SUCLG2: variants seen among roughly 807,000 people sequenced by gnomAD.
SUCLG2 encodes succinate--CoA ligase [GDP-forming] subunit beta, mitochondrial.
Under a neutral mutation model 47.9 loss-of-function variants are expected in SUCLG2, and 42 were observed. The observed-to-expected ratio is 0.88, with a 90% CI of 0.69 to 1.14. The LOEUF (loss-of-function observed/expected upper bound fraction) is 1.14. Among genes scored for constraint, SUCLG2 ranks in the 50% most tolerant of loss-of-function variants. The pLI is 0.00. For missense variants in SUCLG2, 571 were observed against 525.9 expected, an observed-to-expected ratio of 1.09 and a Z score of -0.84; for synonymous variants, 195 against 197.3, an observed-to-expected ratio of 0.99 and a Z score of 0.10.
At chr3:67,400,623 A>G in intron 10 of SUCLG2, 108 bp downstream of exon 10, 4 of 1,475,508 alleles carry the variant, frequency 2.7e-6, no homozygotes, top group Non-Finnish European at 3.7e-6. Context: ...ATCTTACACA[A>G]TCTAGTGTTT....
At chr3:67,395,979 C>A (rs1216731027) in intron 10 of SUCLG2, among the ~76,000 whole-genome samples, 1 of 152,086 alleles carries the variant, frequency 6.6e-6, no homozygotes, top group Admixed American at 6.5e-5. Flanking sequence ...CCAACGAGAA[C>A]AAAGACACAA....
chr3:67,375,145 C>G lies in SUCLG2; in HGVS notation c.*599G>C. On this transcript the variant is annotated 3_prime_UTR_variant, in exon 11 of 11. Transcript: ENST00000307227. ...AAAACACATGGATGGTATATTAATG[C>G]AGATATTCCATTATTAAATATATTT... 2.0e-6 allele frequency: 2 copies of G among 984,770 alleles called. No individual in the cohort carries two copies. Among genetic ancestry groups the G allele is most frequent in the Non-Finnish European group, 2.4e-6 (2 of 829,046 alleles). 61.0% of individuals were successfully genotyped at this position (984,770 alleles called of 1,614,324 possible).
At chr3:67,511,663 AGC>A (rs1705794217) in intron 6 of SUCLG2, among the ~76,000 whole-genome samples, 1 of 152,208 alleles carries the variant, frequency 6.6e-6, no homozygotes, top group Non-Finnish European at 1.5e-5. Context: ...CTTTATTATC[AGC>A]GTGAGAACAG....
At chr3:67,650,474 T>C (rs1011928600) in intron 1 of SUCLG2, among the ~76,000 whole-genome samples, 1 of 152,160 alleles carries the variant, frequency 6.6e-6, no homozygotes, top group African/African-American at 2.4e-5. Context: ...ATAGGAGGCC[T>C]GGCCAGGCAC....
At position 67,483,470 on chromosome 3, in the gene SUCLG2, AT is replaced by A. The variant is rs1414982438; in HGVS notation, c.1062+12327del. On this transcript the variant is annotated intron_variant, in intron 9 of 10. Transcript: ENST00000307227. ...CTATCAGAAATAACAAACACCTGGC[AT>A]TTTCAAGCCCCCTTTCATTTTTATA... Among the ~76,000 whole-genome samples, 4 of 152,236 alleles carry A rather than the reference AT, an allele frequency of 2.6e-5. No individual in the cohort carries two copies. In the South Asian group the frequency reaches 8.3e-4, roughly 32 times the overall value.
intron 2 of SUCLG2, among the ~76,000 whole-genome samples, chr3:67,562,507 G>T (rs1707333497): frequency 6.6e-6 from 1 of 152,084 alleles, no homozygotes; most frequent in South Asian, 2.1e-4. Flanking sequence ...CGAACTCCTG[G>T]CCTCAAATGA....
chr3:67,392,032 CCT>C (rs1702398095), intron 10 of SUCLG2, among the ~76,000 whole-genome samples: 1 of 152,038 alleles, frequency 6.6e-6, no homozygotes, highest in African/African-American at 2.4e-5. Flanking sequence ...AGTGCATGCC[CCT>C]GTCCTTCTGT....
chr3:67,644,539 A>T (rs1317265415), intron 1 of SUCLG2, among the ~76,000 whole-genome samples: 5 of 152,078 alleles, frequency 3.3e-5, no homozygotes, highest in Non-Finnish European at 7.4e-5. Flanking sequence ...GAGGATGAAT[A>T]AGTTCAGGAA....
In SUCLG2 at chr3:67,641,221, C is replaced by T. The variant is rs543563166; in HGVS notation, c.84+13282G>A. On this transcript the variant is annotated intron_variant, in intron 1 of 10. Coordinates refer to ENST00000307227, the MANE Select transcript of SUCLG2 (RefSeq NM_003848.4). ...CGTCTGTCTTTAAGTTGATTTCACT[C>T]ATAGAAATGGTCAGAGCTTCTCAAA... Among the ~76,000 whole-genome samples, 6 of 152,264 alleles carry T rather than the reference C, an allele frequency of 3.9e-5. 1 individual carries two copies. Among genetic ancestry groups the T allele is most frequent in the African/African-American group, 1.2e-4 (5 of 41,546 alleles).
intron 9 of SUCLG2, among the ~76,000 whole-genome samples, chr3:67,492,897 T>C (rs550825015): frequency 1.3e-5 from 2 of 152,328 alleles, no homozygotes; most frequent in African/African-American, 4.8e-5. Context: ...AGTGGAAATA[T>C]ATGTCAACCT....
chr3:67,423,245 C>G (rs1295721745), intron 9 of SUCLG2, among the ~76,000 whole-genome samples: 1 of 152,124 alleles, frequency 6.6e-6, no homozygotes, highest in Non-Finnish European at 1.5e-5. Flanking sequence ...CCCGTGCTTG[C>G]ATTCTCTCTC....
At chr3:67,503,671 T>A (rs1020629067) in intron 7 of SUCLG2, among the ~76,000 whole-genome samples, 1 of 152,240 alleles carries the variant, frequency 6.6e-6, no homozygotes, top group African/African-American at 2.4e-5. Context: ...GGCCATTTTT[T>A]ATACAAAGTG....
exon 11 of SUCLG2, chr3:67,360,503 G>C: frequency 9.9e-7 from 1 of 1,005,302 alleles, no homozygotes; most frequent in East Asian, 2.6e-5. Context: ...ACAGCTATAA[G>C]CCATGCCCTT....
At chr3:67,397,629 A>C (rs1460299270) in intron 10 of SUCLG2, among the ~76,000 whole-genome samples, 1 of 152,122 alleles carries the variant, frequency 6.6e-6, no homozygotes, top group African/African-American at 2.4e-5. Flanking sequence ...CATCCCCATC[A>C]AGCTACCAAT....
At chr3:67,393,240 A>G (rs1575665623) in intron 10 of SUCLG2, among the ~76,000 whole-genome samples, 1 of 152,392 alleles carries the variant, frequency 6.6e-6, no homozygotes, top group Admixed American at 6.5e-5. Flanking sequence ...CGGGAAGTGC[A>G]AGGGGTCAGG....
At chr3:67,476,189 T>C (rs1704749749) in intron 9 of SUCLG2, among the ~76,000 whole-genome samples, 1 of 152,028 alleles carries the variant, frequency 6.6e-6, no homozygotes, top group Admixed American at 6.6e-5. Context: ...CATGGACCAG[T>C]ACTGGTCCAT....
intron 2 of SUCLG2, among the ~76,000 whole-genome samples, chr3:67,586,166 T>A (rs1273888204): frequency 2.6e-5 from 4 of 152,176 alleles, no homozygotes; most frequent in Admixed American, 2.0e-4. Context: ...ATTACTTCTA[T>A]TTTTTAAACA....
intron 2 of SUCLG2, among the ~76,000 whole-genome samples, chr3:67,539,379 T>C (rs1706637521): frequency 2.0e-5 from 3 of 152,236 alleles, no homozygotes; most frequent in Non-Finnish European, 2.9e-5. Context: ...TTGTGTATGT[T>C]GAACCAGCTT....
chr3:67,376,086 T>C, intron 10 of SUCLG2: 7 of 985,388 alleles, frequency 7.1e-6, no homozygotes, highest in Non-Finnish European at 8.4e-6. Flanking sequence ...AAGAGGGAAA[T>C]GAACATATTT....
Sources: gnomAD v4.1 joint callset for allele counts (sites outside exome capture counted in the v4.1 genomes callset) on GRCh38, gnomAD v4.1.1 for gene constraint, MANE v1.5 for transcripts, NCBI Gene and HGNC (gene_info 2026-07-23, HGNC 2026-07-21) for gene names.